ANKRD11: variants seen among roughly 807,000 people sequenced by gnomAD.
ANKRD11 encodes ankyrin repeat domain-containing protein 11.
A neutral mutation model predicts 195.7 loss-of-function variants in ANKRD11; 17 were observed. The ratio of observed to expected loss-of-function variants is 0.09; its 90% confidence interval spans 0.06 to 0.13. The LOEUF is 0.13. ANKRD11 is among the 10% of genes least tolerant of loss of function. The probability of loss-of-function intolerance (pLI) is 1.00; values close to 1 mark genes in which losing one functional copy is unlikely to be tolerated. For synonymous variants in ANKRD11, 1,953 were observed against 1,528.1 expected (o/e 1.28, Z -6.49); for missense variants, 3,735 against 3,566.1 (o/e 1.05, Z -1.21).
chr16:89,470,726 A>T (rs2057052939), intron 1 of ANKRD11, among the ~76,000 whole-genome samples: 1 of 146,870 alleles, frequency 6.8e-6, no homozygotes, highest in Admixed American at 7.0e-5. Context: ...GCGGTGGCTC[A>T]TGCCTGTAAT....
chr16:89,475,927 CTG>C (rs1159389743), intron 1 of ANKRD11, among the ~76,000 whole-genome samples: 10 of 152,040 alleles, frequency 6.6e-5, no homozygotes, highest in African/African-American at 2.4e-4. Flanking sequence ...TGGTGGGCAC[CTG>C]TAGTCCCAGC....
At chr16:89,395,799 C>G (rs996819601) in intron 2 of ANKRD11, 2 of 152,232 alleles carry the variant, frequency 1.3e-5, no homozygotes, top group African/African-American at 4.8e-5. Context: ...AATGCCTTCT[C>G]AGCTGGGTGA....
chr16:89,382,293 T>C (rs1280765176), intron 2 of ANKRD11, among the ~76,000 whole-genome samples: 1 of 151,730 alleles, frequency 6.6e-6, no homozygotes, highest in Non-Finnish European at 1.5e-5. Context: ...CATCTTAAAC[T>C]AGACAGCCAG....
At chr16:89,485,499 C>G (rs2057582813) in intron 1 of ANKRD11, among the ~76,000 whole-genome samples, 2 of 151,992 alleles carry the variant, frequency 1.3e-5, no homozygotes, top group Admixed American at 1.3e-4. Context: ...CAAAACAAAA[C>G]AAAACTGTGA....
intron 1 of ANKRD11, among the ~76,000 whole-genome samples, chr16:89,469,650 G>C (rs2057003814): frequency 6.6e-6 from 1 of 151,362 alleles, no homozygotes; most frequent in Non-Finnish European, 1.5e-5. Flanking sequence ...TGTAATTCCA[G>C]CACTTTGGGA....
At chr16:89,440,174 G>C (rs1354465659) in intron 1 of ANKRD11, among the ~76,000 whole-genome samples, 1 of 152,148 alleles carries the variant, frequency 6.6e-6, no homozygotes, top group African/African-American at 2.4e-5. Flanking sequence ...ACAATGGCAG[G>C]GTTCACAGGA....
chr16:89,331,340 G>C (rs1160222871), intron 2 of ANKRD11, among the ~76,000 whole-genome samples: 1 of 152,168 alleles, frequency 6.6e-6, no homozygotes, highest in Non-Finnish European at 1.5e-5. Context: ...TAGATGCACA[G>C]TTCACATCAT....
intron 2 of ANKRD11, among the ~76,000 whole-genome samples, chr16:89,382,044 G>A (rs2040680271): frequency 6.6e-6 from 1 of 152,234 alleles, no homozygotes; most frequent in Non-Finnish European, 1.5e-5. Context: ...TCCAGGCCCA[G>A]GGAAGGTGAT....
intron 4 of ANKRD11, among the ~76,000 whole-genome samples, chr16:89,303,388 C>T (rs1274890021): frequency 1.3e-5 from 2 of 152,214 alleles, no homozygotes; most frequent in East Asian, 1.9e-4. Flanking sequence ...TACACAGCAC[C>T]GCTGGGAGCT....
At chr16:89,450,434 T>G (rs756325166) in intron 1 of ANKRD11, among the ~76,000 whole-genome samples, 9 of 152,148 alleles carry the variant, frequency 5.9e-5, no homozygotes, top group Admixed American at 1.3e-4. Flanking sequence ...CAAGACAAAC[T>G]TGTGCCTCCC....
At chr16:89,348,891 A>C (rs566577780) in intron 2 of ANKRD11, among the ~76,000 whole-genome samples, 1 of 149,552 alleles carries the variant, frequency 6.7e-6, no homozygotes, top group Non-Finnish European at 1.5e-5. Flanking sequence ...AAAAAAAAAC[A>C]CCCAGCCGGG....
At chr16:89,437,869 C>A (rs1231185397) in intron 1 of ANKRD11, among the ~76,000 whole-genome samples, 12 of 152,230 alleles carry the variant, frequency 7.9e-5, no homozygotes, top group Admixed American at 6.5e-4. Context: ...TGGGTCAGTG[C>A]AGGGCAATGC....
intron 1 of ANKRD11, among the ~76,000 whole-genome samples, chr16:89,442,051 C>A (rs1166172222): frequency 6.6e-6 from 1 of 152,164 alleles, no homozygotes; most frequent in African/African-American, 2.4e-5. Flanking sequence ...AAGAAATAAA[C>A]TTTTTAAAAA....
chr16:89,464,617 A>G (rs1292866799), intron 1 of ANKRD11, among the ~76,000 whole-genome samples: 1 of 151,516 alleles, frequency 6.6e-6, no homozygotes, highest in African/African-American at 2.4e-5. Flanking sequence ...TAAAAAAAAA[A>G]AAAAAAGAAA....
At chr16:89,314,526 T>C (rs897759214) in intron 3 of ANKRD11, among the ~76,000 whole-genome samples, 1 of 152,198 alleles carries the variant, frequency 6.6e-6, no homozygotes, top group African/African-American at 2.4e-5. Context: ...ACCTGCTCTC[T>C]GTGGCTCTTC....
chr16:89,424,784 G>A (rs986111586), intron 1 of ANKRD11, among the ~76,000 whole-genome samples: 3 of 152,172 alleles, frequency 2.0e-5, no homozygotes, highest in Non-Finnish European at 4.4e-5. Flanking sequence ...GCAAAGGGCC[G>A]ATCCTTGCGA....
At chr16:89,377,040 G>T (rs999779270) in intron 2 of ANKRD11, among the ~76,000 whole-genome samples, 1 of 152,204 alleles carries the variant, frequency 6.6e-6, no homozygotes, top group Non-Finnish European at 1.5e-5. Flanking sequence ...TGCTTTGTCC[G>T]TGAAGTCAGG....
chr16:89,268,628 C>G lies in ANKRD11; in HGVS notation c.7842G>C (p.Ala2614=). Residue 2614 remains alanine, a synonymous_variant, in exon 13 of 13, where the codon GCG becomes GCC. Coordinates refer to ENST00000301030, the MANE Select transcript of ANKRD11 (RefSeq NM_013275.6). ...CCATCCTCTGCACGGCGTTCAGGGC[C>G]GCGGCCTCGTGCTGCTGCCGCATGA... ...CLLMRQQHEA[A]ALNAVQRMEW... The G allele has an allele frequency of 6.4e-7, 1 of 1,571,114 alleles. No homozygotes were observed. Among genetic ancestry groups the G allele is most frequent in the Middle Eastern group, 1.7e-4 (1 of 5,728 alleles).
chr16:89,467,511 C>T (rs2965959), intron 1 of ANKRD11, among the ~76,000 whole-genome samples: 21 of 152,216 alleles, frequency 1.4e-4, no homozygotes, highest in Non-Finnish European at 2.8e-4. Flanking sequence ...TACAGGCACA[C>T]GCTATCACAC....
Sources: allele counts gnomAD v4.1 joint callset (sites outside exome capture counted in the v4.1 genomes callset), GRCh38; gene constraint gnomAD v4.1.1; transcripts MANE v1.5; gene names NCBI Gene and HGNC (gene_info 2026-07-23, HGNC 2026-07-21).